Variants in PTPRT observed in about 807,000 individuals in gnomAD.
The protein encoded by PTPRT is receptor-type tyrosine-protein phosphatase T.
PTPRT carries 56 observed loss-of-function variants against 176.8 expected under a neutral mutation model. That is an observed-to-expected ratio of 0.32 (90% confidence interval 0.26 to 0.40). PTPRT has a LOEUF of 0.40. Among genes scored for constraint, PTPRT ranks in the 10% least tolerant of loss-of-function variants. The pLI is 1.00. For missense variants in PTPRT, 1,540 were observed against 1,908.2 expected (o/e 0.81, Z 3.60); for synonymous variants, 783 against 739.0 (o/e 1.06, Z -0.96).
chr20:43,170,900 A>C (rs549207682), intron 1 of PTPRT, among the ~76,000 whole-genome samples: 59 of 152,252 alleles, frequency 3.9e-4, no homozygotes, highest in Non-Finnish European at 7.5e-4. Context: ...ACAATTCAGA[A>C]GATTCTTGTG....
intron 9 of PTPRT, among the ~76,000 whole-genome samples, chr20:42,437,711 G>A (rs752073757): frequency 3.9e-5 from 6 of 152,064 alleles, no homozygotes; most frequent in Non-Finnish European, 7.3e-5. Flanking sequence ...TTAAGGTGAG[G>A]GGAGAAAAAC....
At chr20:42,327,369 A>G (rs1038313467) in intron 11 of PTPRT, among the ~76,000 whole-genome samples, 8 of 152,090 alleles carry the variant, frequency 5.3e-5, no homozygotes, top group African/African-American at 1.9e-4. Flanking sequence ...CCTGGATTGA[A>G]TTTTAAAAAG....
the PTPRT span, among the ~76,000 whole-genome samples, chr20:42,038,384 G>T: frequency 6.6e-6 from 1 of 152,204 alleles, no homozygotes; most frequent in Admixed American, 6.5e-5. Flanking sequence ...ACTTCCAAGA[G>T]AAGTGTTAGG....
chr20:42,120,072 G>A (rs141340671), intron 19 of PTPRT, 101 bp from the exon 20 acceptor site: 49 of 1,053,640 alleles, frequency 4.7e-5, no homozygotes, highest in South Asian at 3.2e-4. Context: ...TTTCTCATGG[G>A]CAAAATGAGA....
intron 15 of PTPRT, among the ~76,000 whole-genome samples, chr20:42,211,097 A>G (rs2055613988): frequency 6.6e-6 from 1 of 152,348 alleles, no homozygotes; most frequent in Non-Finnish European, 1.5e-5. Context: ...AGCCATATGT[A>G]GAAAGCTGAA....
At chr20:42,920,770 T>G (rs569233244) in intron 1 of PTPRT, among the ~76,000 whole-genome samples, 1 of 152,276 alleles carries the variant, frequency 6.6e-6, no homozygotes, top group South Asian at 2.1e-4. Flanking sequence ...CAGCATACAT[T>G]TGAATTTTTC....
At chr20:43,011,859 G>C (rs1985143866) in intron 1 of PTPRT, among the ~76,000 whole-genome samples, 1 of 152,182 alleles carries the variant, frequency 6.6e-6, no homozygotes, top group Non-Finnish European at 1.5e-5. Context: ...GAAGAAAGCA[G>C]GCAGAAGATG....
Position 43,094,391 on chromosome 20 carries a change from CTTTTTTT to C in PTPRT, c.88+95248_88+95254del, listed in dbSNP as rs71335878. Among the ~76,000 whole-genome samples, 5 of 64,666 alleles carry C rather than the reference CTTTTTTT, an allele frequency of 7.7e-5. No individual in the cohort carries two copies. In the East Asian group the frequency reaches 1.4e-3, roughly 18 times the overall value. 42.4% of individuals were successfully genotyped at this position (64,666 alleles called of 152,430 possible). A position where few individuals can be genotyped will look rare whatever the true frequency, so the allele number is the denominator to read the frequency against. ...ATGAGCCACCGCACCCGGCCTCTTT[CTTTTTTT>C]TTTTTTTTTTTTTTTTTCAGACGGA... On this transcript the variant is annotated intron_variant, in intron 1 of 30. Transcript: ENST00000373187.
intron 7 of PTPRT, among the ~76,000 whole-genome samples, chr20:42,662,025 C>CA (rs1348975883): frequency 6.6e-6 from 1 of 152,170 alleles, no homozygotes; most frequent in African/African-American, 2.4e-5. Context: ...GTGAACACAG[C>CA]AAAGGGCTAG....
chr20:42,315,068 T>G (rs1303245498), intron 12 of PTPRT, among the ~76,000 whole-genome samples: 1 of 151,432 alleles, frequency 6.6e-6, no homozygotes, highest in East Asian at 2.0e-4. Flanking sequence ...ACCAAAGAAA[T>G]ATTTGACACA....
At chr20:43,127,422 CAAAAAAA>C (rs35897839) in intron 1 of PTPRT, among the ~76,000 whole-genome samples, 1 of 101,356 alleles carries the variant, frequency 9.9e-6, no homozygotes, top group Non-Finnish European at 2.1e-5. Flanking sequence ...GACTCCATCT[CAAAAAAA>C]AAAAAAAAAA....
chr20:42,167,173 C>T (rs967135110), intron 16 of PTPRT, among the ~76,000 whole-genome samples: 7 of 152,090 alleles, frequency 4.6e-5, no homozygotes, highest in African/African-American at 1.7e-4. Flanking sequence ...CAGTAAAAAC[C>T]AGTATTTGTT....
intron 2 of PTPRT, among the ~76,000 whole-genome samples, chr20:42,791,809 G>T (rs2077380555): frequency 6.6e-6 from 1 of 152,238 alleles, no homozygotes; most frequent in Non-Finnish European, 1.5e-5. Flanking sequence ...AAGTTTCCTT[G>T]TAGGACGAAG....
intron 1 of PTPRT, among the ~76,000 whole-genome samples, chr20:43,076,358 T>C (rs2146280307): frequency 6.6e-6 from 1 of 152,020 alleles, no homozygotes. Flanking sequence ...TAAAATAAAA[T>C]ACTACCATGC....
rs565433224 is a variant in PTPRT, at chr20:42,654,519, G to A, written c.1153+23347C>T. Among the ~76,000 whole-genome samples, 14 of 152,180 alleles carry A rather than the reference G, an allele frequency of 9.2e-5. No homozygotes were observed. The East Asian group carries it at 1.2e-3, about 13-fold the overall frequency. Reference sequence around the variant, plus strand: ...ATTGAGGGCACGAAACTATTCAAGCGGATGGTTACTACAGAGAGGGGTAGG... The same window carrying A: ...ATTGAGGGCACGAAACTATTCAAGCAGATGGTTACTACAGAGAGGGGTAGG... On this transcript the variant is annotated intron_variant, in intron 7 of 30. Coordinates refer to ENST00000373187, the MANE Select transcript of PTPRT (RefSeq NM_007050.6).
intron 1 of PTPRT, among the ~76,000 whole-genome samples, chr20:42,960,722 G>A (rs1981937823): frequency 6.6e-6 from 1 of 152,108 alleles, no homozygotes; most frequent in Admixed American, 6.5e-5. Context: ...CAACTGGGTT[G>A]CTAAACAACC....
At chr20:43,076,831 C>T (rs1015392417) in intron 1 of PTPRT, among the ~76,000 whole-genome samples, 1 of 152,140 alleles carries the variant, frequency 6.6e-6, no homozygotes, top group African/African-American at 2.4e-5. Context: ...TTTCTAAACA[C>T]CATTCTTTCC....
At chr20:42,993,344 G>T (rs535333418) in intron 1 of PTPRT, among the ~76,000 whole-genome samples, 2 of 148,862 alleles carry the variant, frequency 1.3e-5, no homozygotes, top group East Asian at 3.9e-4. Context: ...CGTGAACCTG[G>T]GAGGCAGAGC....
intron 2 of PTPRT, among the ~76,000 whole-genome samples, chr20:42,831,354 T>G (rs1388557204): frequency 6.6e-6 from 1 of 152,194 alleles, no homozygotes; most frequent in African/African-American, 2.4e-5. Flanking sequence ...GACCATTTCC[T>G]TATACCCTAT....
Sources: allele counts gnomAD v4.1 joint callset (sites outside exome capture counted in the v4.1 genomes callset), GRCh38; gene constraint gnomAD v4.1.1; transcripts MANE v1.5; gene names NCBI Gene and HGNC (gene_info 2026-07-23, HGNC 2026-07-21).